Variants in KIFC3 observed in about 807,000 individuals in gnomAD.
The protein encoded by KIFC3 is kinesin family member C3, also known as kinesin-like protein KIFC3.
A neutral mutation model predicts 101.8 loss-of-function variants in KIFC3; 60 were observed. The observed-to-expected ratio is 0.59, with a 90% CI of 0.48 to 0.73. The LOEUF is 0.73. KIFC3 is among the 30% of genes least tolerant of loss of function. The pLI is 0.00. For missense variants in KIFC3, 966 were observed against 1,137.1 expected (o/e 0.85, Z 2.16); for synonymous variants, 476 against 482.7 (o/e 0.99, Z 0.18).
At chr16:57,849,296 A>G (rs558163795) in intron 1 of KIFC3, among the ~76,000 whole-genome samples, 14 of 152,328 alleles carry the variant, frequency 9.2e-5, no homozygotes, top group East Asian at 1.9e-4. Flanking sequence ...TCATTCATCA[A>G]TGTATCCCCT....
At chr16:57,808,321 C>T (rs2054989619) in intron 1 of KIFC3, among the ~76,000 whole-genome samples, 3 of 152,070 alleles carry the variant, frequency 2.0e-5, no homozygotes, top group Non-Finnish European at 4.4e-5. Context: ...ATAAGCCCCG[C>T]CCCCGGCCCG....
chr16:57,790,538 G>A (rs1383113978), intron 3 of KIFC3, among the ~76,000 whole-genome samples: 2 of 152,114 alleles, frequency 1.3e-5, no homozygotes, highest in South Asian at 2.1e-4. Flanking sequence ...GTCTAGAGGC[G>A]GCAAGGCCCG....
At chr16:57,762,296 T>A in intron 12 of KIFC3, 26 bp from the exon 13 acceptor site, 1 of 1,518,078 alleles carries the variant, frequency 6.6e-7, no homozygotes. Context: ...AAGGCCCCAG[T>A]AAGCCAGGCC....
At chr16:57,855,111 ATTTC>A (rs1473731639) in intron 1 of KIFC3, among the ~76,000 whole-genome samples, 2 of 139,856 alleles carry the variant, frequency 1.4e-5, no homozygotes, top group Non-Finnish European at 3.1e-5. Flanking sequence ...CCCCCTCCCC[ATTTC>A]TTTCTTTTTT....
intron 1 of KIFC3, among the ~76,000 whole-genome samples, chr16:57,845,637 C>T (rs537251293): frequency 1.7e-4 from 26 of 152,270 alleles, no homozygotes; most frequent in African/African-American, 6.0e-4. Context: ...GCAGGTGTTC[C>T]TCAAGGAGAC....
At chr16:57,857,879 T>G (rs1479175584) in intron 1 of KIFC3, among the ~76,000 whole-genome samples, 1 of 135,102 alleles carries the variant, frequency 7.4e-6, no homozygotes, top group East Asian at 2.3e-4. Context: ...CAGGCTGGAG[T>G]GCAGTGGCAC....
At chr16:57,768,273 G>A (rs1273413226) in intron 9 of KIFC3, among the ~76,000 whole-genome samples, 1 of 152,260 alleles carries the variant, frequency 6.6e-6, no homozygotes, top group African/African-American at 2.4e-5. Flanking sequence ...TTGAACCCGG[G>A]AGGTGGGGGT....
intron 3 of KIFC3, among the ~76,000 whole-genome samples, chr16:57,783,156 G>T (rs370948780): frequency 6.6e-6 from 1 of 152,068 alleles, no homozygotes; most frequent in East Asian, 1.9e-4. Flanking sequence ...GTTAATTAAA[G>T]GAAAAAGTGT....
At chr16:57,824,671 A>G (rs782367077) in intron 1 of KIFC3, among the ~76,000 whole-genome samples, 18 of 152,222 alleles carry the variant, frequency 1.2e-4, no homozygotes, top group South Asian at 2.1e-4. Context: ...TGACAGAGCA[A>G]GACGCTGTCT....
chr16:57,764,265 G>GT lies in KIFC3; in HGVS notation c.1513-19_1513-18insA. 6.8e-7 allele frequency: 1 copy of GT among 1,474,836 alleles called. No homozygotes were observed. Among genetic ancestry groups the GT allele is most frequent in the Non-Finnish European group, 9.3e-7 (1 of 1,073,792 alleles). 91.4% of individuals were successfully genotyped at this position (1,474,836 alleles called of 1,614,324 possible). On this transcript the variant is annotated intron_variant, in intron 11 of 19. Transcript: ENST00000445690. ...TGGAACACCTGGGAGGGTGGTGGGA[G>GT]GGAGGCTGGTGGGGGGGCTTCCAGG...
intron 11 of KIFC3, among the ~76,000 whole-genome samples, chr16:57,765,124 C>T (rs2050331795): frequency 6.9e-6 from 1 of 144,708 alleles, no homozygotes; most frequent in Non-Finnish European, 1.5e-5. Context: ...GGAGCCACAG[C>T]TGAGAGAATG....
rs762836979 is a variant in KIFC3 at position 57,769,987 on chromosome 16, G to C, written c.940-32C>G. On this transcript the variant is annotated intron_variant, in intron 7 of 19. Coordinates refer to ENST00000445690, the MANE Select transcript of KIFC3 (RefSeq NM_001130100.2). The surrounding 1 kb of genome is among the most constrained non-coding windows in gnomAD (Gnocchi z 4.3). ...AGACCAGGAAAAGGCTCAGTACCTC[G>C]AGGTGCGGGAGAGAGAGGGGCAGGT... The C allele has an allele frequency of 1.9e-6, 3 of 1,596,260 alleles. No homozygotes were observed. Among genetic ancestry groups the C allele is most frequent in the Non-Finnish European group, 2.6e-6 (3 of 1,175,294 alleles).
At chr16:57,847,760 T>TTGTGTGTGTGTGTGTGTG (rs35081728) in intron 1 of KIFC3, among the ~76,000 whole-genome samples, 1 of 139,708 alleles carries the variant, frequency 7.2e-6, no homozygotes, top group Non-Finnish European at 1.6e-5. Context: ...CCAGATGAAT[T>TTGTGTGTGTGTGTGTGTG]TGTGTGTGTG....
At chr16:57,794,267 C>T (rs1013982567) in intron 3 of KIFC3, among the ~76,000 whole-genome samples, 3 of 150,328 alleles carry the variant, frequency 2.0e-5, no homozygotes, top group African/African-American at 4.9e-5. Flanking sequence ...GGGTCTCACT[C>T]TGTCACGCAG....
chr16:57,836,322 A>G (rs1221656241), intron 1 of KIFC3, among the ~76,000 whole-genome samples: 5 of 152,158 alleles, frequency 3.3e-5, no homozygotes, highest in Non-Finnish European at 7.3e-5. Flanking sequence ...CATGTTGCCC[A>G]GTCTGGTCTT....
chr16:57,759,729 C>G lies in KIFC3; in HGVS notation c.2475G>C (p.Ser825=), dbSNP rs782743799. 2.5e-6 allele frequency: 4 copies of G among 1,607,738 alleles called. No individual in the cohort carries two copies. Among genetic ancestry groups the G allele is most frequent in the Non-Finnish European group, 3.4e-6 (4 of 1,177,280 alleles). The change falls in exon 18 of 20, where the codon TCG becomes TCC. Residue 825 remains serine (S), a splice_region_variant and synonymous_variant. Transcript: ENST00000445690. ...PGSIRRKLQP[S]A ...CCCACACTGCCACTCCAGGCTCACC[C>G]GAGGGCTGCAGCTTCCTCCGGATGG... is the stretch of plus-strand genomic sequence containing the variant.
chr16:57,762,128 TG>T lies in KIFC3; in HGVS notation c.1748+11del. 6.3e-7 allele frequency: 1 copy of T among 1,587,042 alleles called. No individual in the cohort carries two copies. Among genetic ancestry groups the T allele is most frequent in the Non-Finnish European group, 8.6e-7 (1 of 1,164,738 alleles). ...CCCCTGAGGCCTGCTCCGCACACCC[TG>T]GGGCTCCCACCTGAGGACCTCATTG... On this transcript the variant is annotated intron_variant, in intron 13 of 19. Transcript: ENST00000445690.
At chr16:57,859,544 T>C (rs370967082) in intron 1 of KIFC3, among the ~76,000 whole-genome samples, 1 of 152,164 alleles carries the variant, frequency 6.6e-6, no homozygotes, top group African/African-American at 2.4e-5. Flanking sequence ...AGGGGGCTCA[T>C]TCATTCCTGC....
chr16:57,806,639 A>G (rs2054944526), upstream of KIFC3, among the ~76,000 whole-genome samples: 1 of 152,218 alleles, frequency 6.6e-6, no homozygotes, highest in Non-Finnish European at 1.5e-5. Context: ...AAATGTACCC[A>G]AACAGACTTT....
Sources: gnomAD v4.1 joint callset for allele counts (sites outside exome capture counted in the v4.1 genomes callset) on GRCh38, gnomAD v4.1.1 for gene constraint, Gnocchi (gnomAD v3.1) non-coding constraint, MANE v1.5 for transcripts, NCBI Gene and HGNC (gene_info 2026-07-23, HGNC 2026-07-21) for gene names.